DNAH10: variants seen among roughly 807,000 people sequenced by gnomAD.
DNAH10 encodes the protein axonemal beta dynein heavy chain 10.
Under a neutral mutation model 506.6 loss-of-function variants are expected in DNAH10, and 348 were observed. That is an observed-to-expected ratio of 0.69 (90% CI 0.63 to 0.75). The LOEUF (loss-of-function observed/expected upper bound fraction) is 0.75, where lower values mean the gene tolerates loss of function less well. Ranked by LOEUF, DNAH10 falls within the 30% of genes least tolerant of loss-of-function variation. The probability of loss-of-function intolerance (pLI) is 0.00; values close to 1 mark genes in which losing one functional copy is unlikely to be tolerated. For missense variants in DNAH10, 5,179 were observed against 5,787.1 expected, an observed-to-expected ratio of 0.89 and a Z score of 3.41; for synonymous variants, 2,059 against 2,198.6, an observed-to-expected ratio of 0.94 and a Z score of 1.78.
chr12:123,914,319 C>G lies in DNAH10; in HGVS notation c.10353-10C>G. On this transcript the variant is annotated splice_polypyrimidine_tract_variant and intron_variant, in intron 60 of 78. Coordinates refer to ENST00000673944, the MANE Select transcript of DNAH10 (RefSeq NM_001372106.1). ...AAACTCACGGCAGCCTCCCTCTCCT[C>G]CCGTGCCAGGTGGCTGAACGACCTG... The G allele has an allele frequency of 6.2e-7, 1 of 1,609,086 alleles. No homozygotes were observed. Among genetic ancestry groups the G allele is most frequent in the South Asian group, 1.1e-5 (1 of 90,660 alleles).
At chr12:123,900,637 T>G (rs764806734) in intron 56 of DNAH10, among the ~76,000 whole-genome samples, 1 of 152,146 alleles carries the variant, frequency 6.6e-6, no homozygotes, top group African/African-American at 2.4e-5. Context: ...TTTCCAGGGT[T>G]GCAAATGGTA....
At position 123,850,953 on chromosome 12, in the gene DNAH10, C is replaced by T. The variant is rs374265507; in HGVS notation, c.6168C>T (p.Tyr2056=). 24 of 1,614,044 alleles carry T rather than the reference C, an allele frequency of 1.5e-5. No individual in the cohort carries two copies. The highest frequency in any genetic ancestry group is 3.3e-5 in the Admixed American group (2 of 60,010). The part of the protein sequence containing the change: ...MGIFITMNPG[Y]AGRTELPESV... ...TCTTCATCACCATGAACCCCGGCTA[C>T]GCAGGCCGCACGGAGCTGCCCGAGT... The change falls in exon 35 of 79, where the codon TAC becomes TAT. Residue 2056 remains tyrosine, a synonymous_variant. Coordinates refer to ENST00000673944, the MANE Select transcript of DNAH10 (RefSeq NM_001372106.1). The surrounding 1 kb of genome is among the most constrained non-coding windows in gnomAD (Gnocchi z 5.5).
In DNAH10 at chr12:123,916,703, G is replaced by A. The variant is rs200533136; in HGVS notation, c.10969G>A (p.Val3657Met). Residue 3657 changes from valine (V) to methionine (M), a missense_variant, in exon 63 of 79, where the codon GTG becomes ATG. Coordinates refer to ENST00000673944, the MANE Select transcript of DNAH10 (RefSeq NM_001372106.1). The surrounding 1 kb of genome is among the most constrained non-coding windows in gnomAD (Gnocchi z 4.6). ...GGCCAATCCCAGATATTCCCCATCC[G>A]TGTTTGGGAAAGCTATGGTGATCAA... The part of the protein sequence containing the change: ...KLANPRYSPS[V>M]FGKAMVINYT... The A allele has an allele frequency of 4.0e-5, 65 of 1,613,238 alleles. No individual in the cohort carries two copies. In the African/African-American group the frequency reaches 4.5e-4, roughly 11 times the overall value.
chr12:123,914,313 T>C lies in DNAH10; in HGVS notation c.10353-16T>C. 6.2e-7 allele frequency: 1 copy of C among 1,606,422 alleles called. No individual in the cohort carries two copies. The highest frequency in any genetic ancestry group is 1.1e-5 in the South Asian group (1 of 90,398). ...GAAGGTAAACTCACGGCAGCCTCCC[T>C]CTCCTCCCGTGCCAGGTGGCTGAAC... On this transcript the variant is annotated splice_polypyrimidine_tract_variant and intron_variant, in intron 60 of 78. Coordinates refer to ENST00000673944, the MANE Select transcript of DNAH10 (RefSeq NM_001372106.1).
Position 123,772,938 on chromosome 12 carries a change from C to G in DNAH10, c.501C>G (p.Thr167=). ...DQNVVFFLRN[T]KEAISEATDM... is the part of the protein sequence containing the mutation. Reference sequence around the variant, plus strand: ...ACGTGGTGTTTTTCCTCAGAAATACCAAAGGTACATTTCTGGCACGTGTGT... The same window carrying G: ...ACGTGGTGTTTTTCCTCAGAAATACGAAAGGTACATTTCTGGCACGTGTGT... Residue 167 remains threonine (T), a synonymous_variant, in exon 4 of 79, where the codon ACC becomes ACG. Coordinates refer to ENST00000673944, the MANE Select transcript of DNAH10 (RefSeq NM_001372106.1). 1.2e-6 allele frequency: 2 copies of G among 1,606,784 alleles called. No individual in the cohort carries two copies. Among genetic ancestry groups the G allele is most frequent in the Non-Finnish European group, 1.7e-6 (2 of 1,174,204 alleles).
chr12:123,832,465 A>G (rs1565962807), intron 26 of DNAH10, among the ~76,000 whole-genome samples: 1 of 152,214 alleles, frequency 6.6e-6, no homozygotes, highest in Non-Finnish European at 1.5e-5. Flanking sequence ...TATACATATA[A>G]TGTACACATG....
intron 29 of DNAH10, 100 bp downstream of exon 29, chr12:123,838,789 A>C: frequency 3.7e-6 from 4 of 1,090,918 alleles, no homozygotes; most frequent in Non-Finnish European, 5.3e-6. Context: ...CAGAGGGTTA[A>C]GACTGAAATG....
intron 78 of DNAH10, 70 bp from the exon 79 acceptor site, chr12:123,935,265 A>ACTGCACCTCTGCCTTTATCCCT: frequency 1.3e-6 from 2 of 1,563,416 alleles, no homozygotes; most frequent in Non-Finnish European, 1.8e-6. Context: ...CAAGACTTAC[A>ACTGCACCTCTGCCTTTATCCCT]CTGCACCTCT....
intron 3 of DNAH10, 87 bp downstream of exon 3, chr12:123,771,785 C>A: frequency 1.8e-6 from 2 of 1,108,838 alleles, no homozygotes; most frequent in Non-Finnish European, 2.6e-6. Flanking sequence ...TAGCCCCATC[C>A]AAGGGATTTA....
Position 123,916,206 on chromosome 12 carries a change from T to G in DNAH10, c.10723-251T>G, listed in dbSNP as rs1300530180. 1.3e-5 allele frequency among the ~76,000 whole-genome samples: 2 copies of G among 152,128 alleles called. No individual in the cohort carries two copies. The highest frequency in any genetic ancestry group is 2.9e-5 in the Non-Finnish European group (2 of 68,036). On this transcript the variant is annotated intron_variant, in intron 62 of 78. Coordinates refer to ENST00000673944, the MANE Select transcript of DNAH10 (RefSeq NM_001372106.1). This position sits in a 1 kb window ranked among gnomAD's most constrained non-coding sequence, Gnocchi z 4.6. ...TACCCTCTCTCTTAAAGAGGAGGGG[T>G]TCTAGCTTACGGGAGAGGGGCTGAG...
intron 8 of DNAH10, among the ~76,000 whole-genome samples, chr12:123,784,652 C>A (rs1293361152): frequency 6.6e-6 from 1 of 152,230 alleles, no homozygotes; most frequent in Non-Finnish European, 1.5e-5. Flanking sequence ...AATACATACA[C>A]AATGCTGTGT....
intron 57 of DNAH10, among the ~76,000 whole-genome samples, chr12:123,904,848 T>C (rs1233381079): frequency 6.6e-6 from 1 of 152,224 alleles, no homozygotes; most frequent in Non-Finnish European, 1.5e-5. Flanking sequence ...TAGCTGTGAT[T>C]ATGGCTCCAG....
rs1393084367 is a variant in DNAH10 at position 123,908,278 on chromosome 12, T to G, written c.9816-983T>G. On this transcript the variant is annotated intron_variant, in intron 57 of 78. Transcript: ENST00000673944. ...CCTCCCTGTCTCCCTGTCTCTGTTC[T>G]TGTGCATGTGTCTCCCCCTCTGTCC... is the stretch of plus-strand genomic sequence containing the variant. 3 of 453,366 alleles carry G rather than the reference T, an allele frequency of 6.6e-6. No homozygotes were observed. The Admixed American group carries it at 7.1e-5, about 11-fold the overall frequency. 28.1% of individuals were successfully genotyped at this position (453,366 alleles called of 1,614,324 possible).
rs144139254 is a variant in DNAH10 at position 123,858,402 on chromosome 12, G to A, written c.6631-748G>A. 6.6e-3 allele frequency among the ~76,000 whole-genome samples: 1,004 copies of A among 152,258 alleles called. 21 individuals are homozygous for A. The highest frequency in any genetic ancestry group is 0.023 in the African/African-American group (944 of 41,532). ...GCCTGGGCAGTGGGCACCGGGTACC[G>A]GCCGTGGACGAGAGCTTTCTGTGCT... is the stretch of plus-strand genomic sequence containing the variant. On this transcript the variant is annotated intron_variant, in intron 37 of 78. Coordinates refer to ENST00000673944, the MANE Select transcript of DNAH10 (RefSeq NM_001372106.1).
In DNAH10 at chr12:123,785,892, C is replaced by T. The variant is rs148669304; in HGVS notation, c.1377C>T (p.Ile459=). 1.3e-4 allele frequency: 216 copies of T among 1,614,000 alleles called. 1 individual carries two copies. The highest frequency in any genetic ancestry group is 3.4e-4 in the South Asian group (31 of 91,088). Residue 459 remains isoleucine, a synonymous_variant, in exon 9 of 79, where the codon ATC becomes ATT. Coordinates refer to ENST00000673944, the MANE Select transcript of DNAH10 (RefSeq NM_001372106.1). The surrounding 1 kb of genome is among the most constrained non-coding windows in gnomAD (Gnocchi z 4.1). ...TCATGGAGCGCATCGCCTGGGAAAT[C>T]GCTGAGAGAGTCTGCCGAGTGGTCA... The part of the protein sequence containing the change: ...IPLMERIAWE[I]AERVCRVVNL...
At chr12:123,873,745 C>T (rs1169041203) in intron 46 of DNAH10, 35 bp downstream of exon 46, 1 of 1,568,616 alleles carries the variant, frequency 6.4e-7, no homozygotes, top group Admixed American at 1.9e-5. Flanking sequence ...AGGGATGGGT[C>T]AAGACAGTGC....
intron 18 of DNAH10, among the ~76,000 whole-genome samples, chr12:123,807,193 A>G (rs921575925): frequency 1.9e-4 from 27 of 141,948 alleles, no homozygotes; most frequent in East Asian, 8.4e-4. Flanking sequence ...CCCCACATCC[A>G]TCCATCCATC....
chr12:123,922,545 C>T (rs759270783), intron 65 of DNAH10, among the ~76,000 whole-genome samples: 10 of 152,146 alleles, frequency 6.6e-5, no homozygotes, highest in South Asian at 2.1e-4. Flanking sequence ...CATGCACCAG[C>T]GTTTGGTGTA....
In DNAH10 at chr12:123,933,455, T is replaced by G; in HGVS notation, c.13421T>G (p.Phe4474Cys). 6.2e-7 allele frequency: 1 copy of G among 1,612,632 alleles called. No homozygotes were observed. The highest frequency in any genetic ancestry group is 1.3e-5 in the African/African-American group (1 of 75,010). ...NGWPLDRSTL[F>C]TQVTKFQDAD... ...TGGCCACTGGACCGCTCCACCTTGTTCACACAAGTGACCAAGTTCCAGGAT... is the reference window on the plus strand; with the variant it reads ...TGGCCACTGGACCGCTCCACCTTGTGCACACAAGTGACCAAGTTCCAGGAT... The change falls in exon 77 of 79, where the codon TTC becomes TGC. Residue 4474 changes from phenylalanine (F) to cysteine (C), a missense_variant. By Grantham distance (205) the Phe-to-Cys change is radical. This residue lies in a region of DNAH10 where 4,844 missense variants were observed against 5,430.5 expected (regional missense o/e 0.89). Coordinates refer to ENST00000673944, the MANE Select transcript of DNAH10 (RefSeq NM_001372106.1).
Sources: allele counts gnomAD v4.1 joint callset (sites outside exome capture counted in the v4.1 genomes callset), GRCh38; gene constraint gnomAD v4.1.1; regional missense constraint gnomAD v4.1.1; non-coding constraint Gnocchi (gnomAD v3.1); transcripts MANE v1.5; gene names NCBI Gene and HGNC (gene_info 2026-07-23, HGNC 2026-07-21).